The following KNG1 variants were observed in gnomAD, a reference collection of about 807,000 sequenced individuals.
The protein encoded by KNG1 is kininogen 1, also known as kininogen-1.
A neutral mutation model predicts 47.8 loss-of-function variants in KNG1; 23 were observed. That is an observed-to-expected ratio of 0.48 (90% CI 0.35 to 0.68). The LOEUF is 0.68. KNG1 is among the 30% of genes least tolerant of loss of function. The pLI is 0.01. For synonymous variants in KNG1, 277 were observed against 277.0 expected, an observed-to-expected ratio of 1.00 and a Z score of 0.00; for missense variants, 762 against 790.2, an observed-to-expected ratio of 0.96 and a Z score of 0.43.
At chr3:186,721,952 C>A (rs1201092531) in intron 2 of KNG1, 4 of 168,980 alleles carry the variant, frequency 2.4e-5, no homozygotes, top group Non-Finnish European at 5.0e-5. Flanking sequence ...CCTGTCTCTA[C>A]CAAAAATACA....
At chr3:186,729,260 T>C (rs746663902) in intron 5 of KNG1, among the ~76,000 whole-genome samples, 1 of 152,192 alleles carries the variant, frequency 6.6e-6, no homozygotes, top group Non-Finnish European at 1.5e-5. Context: ...TAGAAAATAA[T>C]TTGGCAATTT....
intron 6 of KNG1, among the ~76,000 whole-genome samples, chr3:186,732,249 A>C (rs1240990363): frequency 6.6e-6 from 1 of 152,200 alleles, no homozygotes; most frequent in Non-Finnish European, 1.5e-5. Context: ...AATTCAGGAA[A>C]AGTGTAGCGT....
intron 5 of KNG1, among the ~76,000 whole-genome samples, chr3:186,731,187 A>G (rs1560066236): frequency 6.6e-6 from 1 of 152,112 alleles, no homozygotes; most frequent in Non-Finnish European, 1.5e-5. Flanking sequence ...TAAGCTTTAT[A>G]CATTGTTTTT....
At chr3:186,725,942 ATTTT>A (rs544977446) in intron 4 of KNG1, among the ~76,000 whole-genome samples, 1 of 142,200 alleles carries the variant, frequency 7.0e-6, no homozygotes, top group Non-Finnish European at 1.5e-5. Context: ...TATATCCGTA[ATTTT>A]TTTTTTTTGA....
chr3:186,723,471 A>T (rs1486721385), intron 3 of KNG1, among the ~76,000 whole-genome samples: 1 of 152,024 alleles, frequency 6.6e-6, no homozygotes, highest in African/African-American at 2.4e-5. Context: ...TCTCTTCTCT[A>T]TCTCCATGTG....
At chr3:186,720,014 G>T in intron 1 of KNG1, 91 bp from the exon 2 acceptor site, 2 of 808,682 alleles carry the variant, frequency 2.5e-6, no homozygotes, top group East Asian at 2.4e-5. Flanking sequence ...TCAAGTCAAA[G>T]ATCAATATTC....
rs1312178230 is a variant in KNG1, at chr3:186,743,040, A to C, written c.*709A>C. On this transcript the variant is annotated 3_prime_UTR_variant, in exon 10 of 10. Coordinates refer to ENST00000644859, the MANE Select transcript of KNG1 (RefSeq NM_001102416.3). ...CTAGTTATATCAAATAAATACTCCC[A>C]CTGCCCTTTCTGAGTGAGAGTGTTT... 1.3e-5 allele frequency: 10 copies of C among 746,264 alleles called. No individual in the cohort carries two copies. Among genetic ancestry groups the C allele is most frequent in the Non-Finnish European group, 1.6e-5 (10 of 611,624 alleles). 46.2% of individuals were successfully genotyped at this position (746,264 alleles called of 1,614,324 possible). A position where few individuals can be genotyped will look rare whatever the true frequency, so the allele number is the denominator to read the frequency against.
At chr3:186,727,098 C>A in intron 4 of KNG1, 139 bp from the exon 5 acceptor site, 17 of 631,542 alleles carry the variant, frequency 2.7e-5, no homozygotes, top group Middle Eastern at 4.4e-4. Flanking sequence ...CATTTTTTTG[C>A]CTAGTAATAA....
chr3:186,720,558 G>T, intron 2 of KNG1: 1 of 340,972 alleles, frequency 2.9e-6, no homozygotes, highest in Non-Finnish European at 5.6e-6. Flanking sequence ...ATTGCACAAC[G>T]TTAAGTGCAA....
Position 186,720,271 on chromosome 3 carries a change from T to A in KNG1, c.306+56T>A, listed in dbSNP as rs540426336. On this transcript the variant is annotated intron_variant, in intron 2 of 9. Transcript: ENST00000644859. ...GTTTTCTCCGTTGACCCTGCCAGAT[T>A]TTTTTACTGATGCAGAAATGATGGC... is the stretch of plus-strand genomic sequence containing the variant. 5.5e-6 allele frequency: 6 copies of A among 1,095,302 alleles called. No homozygotes were observed. The East Asian group carries it at 1.2e-4, about 22-fold the overall frequency. The allele number at this position is 1,095,302 out of a possible 1,614,324, so 67.8% of individuals were successfully genotyped here. A position where few individuals can be genotyped will look rare whatever the true frequency, so the allele number is the denominator to read the frequency against.
Position 186,717,537 on chromosome 3 carries a change from T to C in KNG1, c.-6T>C, listed in dbSNP as rs180675552. ...CCCTCAGCTCCTAGAGGGAGATTGT[T>C]AGATCATGAAACTAATTACCATCCT... On this transcript the variant is annotated 5_prime_UTR_variant, in exon 1 of 10. Transcript: ENST00000644859. 3.7e-6 allele frequency: 6 copies of C among 1,603,658 alleles called. No individual in the cohort carries two copies. In the Admixed American group the frequency reaches 8.3e-5, roughly 22 times the overall value.
chr3:186,739,558 A>T (rs1350726578), intron 9 of KNG1, 144 bp downstream of exon 9: 5 of 713,564 alleles, frequency 7.0e-6, no homozygotes, highest in Non-Finnish European at 1.0e-5. Context: ...TTCTGTGCTG[A>T]TCTCTGTTTA....
chr3:186,724,516 AT>A (rs1284297512), intron 3 of KNG1, among the ~76,000 whole-genome samples: 1 of 152,022 alleles, frequency 6.6e-6, no homozygotes, highest in Non-Finnish European at 1.5e-5. Context: ...GATACTGGGC[AT>A]TTTTTCACAT....
intron 9 of KNG1, among the ~76,000 whole-genome samples, chr3:186,741,087 G>A (rs1278120323): frequency 6.6e-6 from 1 of 151,950 alleles, no homozygotes; most frequent in Non-Finnish European, 1.5e-5. Flanking sequence ...TCCACGTCCT[G>A]GGTTCAAGCA....
chr3:186,725,334 T>G (rs1720329065), intron 4 of KNG1, 74 bp downstream of exon 4: 4 of 1,422,562 alleles, frequency 2.8e-6, no homozygotes, highest in Non-Finnish European at 4.0e-6. Context: ...AATGTATGAT[T>G]GCATGGCTGG....
At chr3:186,735,879 G>A (rs1428372065) in intron 7 of KNG1, 2 of 152,270 alleles carry the variant, frequency 1.3e-5, no homozygotes, top group African/African-American at 4.8e-5. Context: ...CTGGGAGCAA[G>A]CAATGTGCCC....
At chr3:186,724,999 C>G (rs1720312375) in intron 3 of KNG1, 89 bp from the exon 4 acceptor site, 1 of 1,435,308 alleles carries the variant, frequency 7.0e-7, no homozygotes, top group South Asian at 1.2e-5. Flanking sequence ...GCATGAGCCA[C>G]CACGCCCAGC....
intron 7 of KNG1, among the ~76,000 whole-genome samples, chr3:186,737,269 C>T (rs1046220525): frequency 1.3e-5 from 2 of 151,964 alleles, no homozygotes; most frequent in African/African-American, 2.4e-5. Context: ...GCTTAATGAC[C>T]GTTTTAACTT....
chr3:186,718,950 A>G (rs1467658908), intron 1 of KNG1, among the ~76,000 whole-genome samples: 1 of 152,218 alleles, frequency 6.6e-6, no homozygotes, highest in Non-Finnish European at 1.5e-5. Flanking sequence ...AAATTTCACT[A>G]TAAAAGACTA....
Sources: gnomAD v4.1 joint callset for allele counts (sites outside exome capture counted in the v4.1 genomes callset) on GRCh38, gnomAD v4.1.1 for gene constraint, MANE v1.5 for transcripts, NCBI Gene and HGNC (gene_info 2026-07-23, HGNC 2026-07-21) for gene names.